The following YES1 variants were observed in gnomAD, a reference collection of about 807,000 sequenced individuals.
YES1 encodes tyrosine-protein kinase Yes.
A neutral mutation model predicts 70.4 loss-of-function variants in YES1; 39 were observed. The ratio of observed to expected loss-of-function variants is 0.55; its 90% CI spans 0.43 to 0.72. YES1 has a LOEUF of 0.72. Among genes scored for constraint, YES1 ranks in the 30% least tolerant of loss-of-function variants. The pLI is 0.00. For synonymous variants in YES1, 198 were observed against 218.6 expected (o/e 0.91, Z 0.83); for missense variants, 495 against 644.8 (o/e 0.77, Z 2.52).
chr18:785,358 T>C (rs796100864), intron 1 of YES1, among the ~76,000 whole-genome samples: 31 of 152,274 alleles, frequency 2.0e-4, no homozygotes, highest in African/African-American at 7.5e-4. Flanking sequence ...AACAAGTCAA[T>C]AAGAGATATC....
chr18:786,931 C>G (rs1257189791), intron 1 of YES1, among the ~76,000 whole-genome samples: 1 of 151,872 alleles, frequency 6.6e-6, no homozygotes, highest in Non-Finnish European at 1.5e-5. Flanking sequence ...TGTATTCCCT[C>G]TAGGAGGAAT....
chr18:724,196 G>C lies in YES1; in HGVS notation c.*228C>G. The C allele has an allele frequency of 2.0e-6, 1 of 511,400 alleles. No homozygotes were observed. Among genetic ancestry groups the C allele is most frequent in the Non-Finnish European group, 3.5e-6 (1 of 285,524 alleles). The allele number at this position is 511,400 out of a possible 1,614,324, so 31.7% of individuals were successfully genotyped here. On this transcript the variant is annotated 3_prime_UTR_variant, in exon 12 of 12. Transcript: ENST00000314574. ...CACCCACACTGTCATCAGTATCTTA[G>C]CTCTATTTTGTTTGGACCCTGAAAT...
rs751544565 is a variant in YES1, at chr18:745,724, C to A, written c.708G>T (p.Leu236Phe). 6.2e-7 allele frequency: 1 copy of A among 1,608,504 alleles called. No individual in the cohort carries two copies. The highest frequency in any genetic ancestry group is 8.5e-7 in the Non-Finnish European group (1 of 1,178,686). The change falls in exon 6 of 12, where the codon TTG becomes TTT. Residue 236 changes from leucine to phenylalanine, a missense_variant. Physicochemically the swap from Leu to Phe is conservative, Grantham distance 22. Transcript: ENST00000314574. The part of the protein sequence containing the change: ...TRAQFDTLQK[L>F]VKHYTEHADG... ...TTCACATACCTGTGTAGTGTTTCAC[C>A]AATTTCTGCAGAGTATCAAATTGTG...
chr18:742,832 G>T, intron 8 of YES1, 86 bp downstream of exon 8: 1 of 1,087,728 alleles, frequency 9.2e-7, no homozygotes, highest in Non-Finnish European at 1.2e-6. Context: ...TCTTAAATTA[G>T]AAAACAGTAT....
At chr18:746,282 T>G (rs16949799) in intron 4 of YES1, among the ~76,000 whole-genome samples, 6,541 of 152,236 alleles carry the variant, frequency 0.043, 486 homozygotes, top group African/African-American at 0.15. Context: ...TCAATGTGTC[T>G]CTCAAAACTC....
intron 1 of YES1, chr18:787,931 T>C (rs1172369323): frequency 6.6e-6 from 1 of 152,194 alleles, no homozygotes; most frequent in African/African-American, 2.4e-5. Flanking sequence ...GACTTGATAA[T>C]GCTCTGGAGT....
At chr18:779,443 ATT>A (rs528165536) in intron 1 of YES1, among the ~76,000 whole-genome samples, 1 of 151,718 alleles carries the variant, frequency 6.6e-6, no homozygotes, top group African/African-American at 2.4e-5. Flanking sequence ...GTATAGAATA[ATT>A]TTTTTTGTTA....
At position 736,964 on chromosome 18, in the gene YES1, T is replaced by C; in HGVS notation, c.1138-3A>G. ...ATATATGCCATACCATCAGCAATCTTGGAAAGAGAAAAACAAAAAACACAA... is the reference window on the plus strand; with the variant it reads ...ATATATGCCATACCATCAGCAATCTCGGAAAGAGAAAAACAAAAAACACAA... On this transcript the variant is annotated splice_region_variant and splice_polypyrimidine_tract_variant and intron_variant, in intron 9 of 11. Transcript: ENST00000314574. The C allele has an allele frequency of 3.8e-6, 6 of 1,599,818 alleles. No individual in the cohort carries two copies. Among genetic ancestry groups the C allele is most frequent in the Non-Finnish European group, 5.1e-6 (6 of 1,176,906 alleles).
chr18:789,399 T>C (rs752569860), intron 1 of YES1, among the ~76,000 whole-genome samples: 36 of 151,832 alleles, frequency 2.4e-4, no homozygotes, highest in African/African-American at 7.7e-4. Flanking sequence ...CTGGGCAACA[T>C]AGGGAGAATC....
At chr18:739,988 C>T (rs956798304) in intron 8 of YES1, among the ~76,000 whole-genome samples, 177 bp from the exon 9 acceptor site, 4 of 152,106 alleles carry the variant, frequency 2.6e-5, no homozygotes, top group Admixed American at 1.3e-4. Flanking sequence ...GGTCTCTAAG[C>T]TGAAATTTTG....
At chr18:736,492 A>G (rs1187764103) in intron 10 of YES1, 2 of 204,416 alleles carry the variant, frequency 9.8e-6, no homozygotes, top group African/African-American at 4.7e-5. Flanking sequence ...GGTACAGGGC[A>G]ATATCTCCTC....
chr18:750,873 C>T (rs1047565921), intron 3 of YES1, among the ~76,000 whole-genome samples: 1 of 152,120 alleles, frequency 6.6e-6, no homozygotes, highest in Non-Finnish European at 1.5e-5. Context: ...TGTGTGAAAG[C>T]ATGAGAGTAT....
In YES1 at chr18:724,520, G is replaced by A. The variant is rs781191210; in HGVS notation, c.1536C>T (p.Asp512=). ...HELMNLCWKK[D]PDERPTFEYI... ...ATTCAAATGTTGGTCTTTCATCAGG[G>A]TCCTTCTTCCAACACAGATTCATCA... The change falls in exon 12 of 12, where the codon GAC becomes GAT. Residue 512 remains aspartate, a synonymous_variant. Transcript: ENST00000314574. The A allele has an allele frequency of 1.2e-6, 2 of 1,614,090 alleles. No homozygotes were observed. Among genetic ancestry groups the A allele is most frequent in the East Asian group, 4.5e-5 (2 of 44,880 alleles).
chr18:752,112 T>G (rs902920740), intron 2 of YES1, among the ~76,000 whole-genome samples: 5 of 152,202 alleles, frequency 3.3e-5, no homozygotes, highest in African/African-American at 1.2e-4. Context: ...ACAAATTTAA[T>G]TTTGTTTCTT....
At chr18:801,574 T>C (rs1313066983) in intron 1 of YES1, among the ~76,000 whole-genome samples, 1 of 152,216 alleles carries the variant, frequency 6.6e-6, no homozygotes, top group Non-Finnish European at 1.5e-5. Context: ...CATCTATTTC[T>C]ACTAACTCAC....
At chr18:726,286 G>C (rs367703228) in intron 11 of YES1, among the ~76,000 whole-genome samples, 2 of 151,952 alleles carry the variant, frequency 1.3e-5, no homozygotes, top group South Asian at 4.2e-4. Context: ...TTAGCTGGGC[G>C]TGGTGGTGGG....
At chr18:766,439 G>C (rs1904912569) in intron 1 of YES1, among the ~76,000 whole-genome samples, 2 of 152,032 alleles carry the variant, frequency 1.3e-5, no homozygotes, top group South Asian at 4.2e-4. Context: ...CAAAGGGATA[G>C]CACTACATGA....
At chr18:790,169 A>G (rs1243942458) in intron 1 of YES1, among the ~76,000 whole-genome samples, 1 of 152,224 alleles carries the variant, frequency 6.6e-6, no homozygotes, top group Non-Finnish European at 1.5e-5. Flanking sequence ...TGAGGTCAGA[A>G]GTTTGAGATG....
chr18:783,318 A>G (rs914921542), intron 1 of YES1, among the ~76,000 whole-genome samples: 3 of 152,184 alleles, frequency 2.0e-5, no homozygotes, highest in African/African-American at 7.2e-5. Context: ...AACTCAAACT[A>G]GTACATCCTA....
Sources: gnomAD v4.1 joint callset for allele counts (sites outside exome capture counted in the v4.1 genomes callset) on GRCh38, gnomAD v4.1.1 for gene constraint, MANE v1.5 for transcripts, NCBI Gene and HGNC (gene_info 2026-07-23, HGNC 2026-07-21) for gene names.